The following CEP135 variants were observed in gnomAD, a reference collection of about 807,000 sequenced individuals.
The protein encoded by CEP135 is centrosomal protein 135, also known as centrosomal protein of 135 kDa.
In CEP135, 142 loss-of-function variants were observed where a neutral mutation model predicts 157.3. That is an observed-to-expected ratio of 0.90 (90% CI 0.79 to 1.04). The LOEUF (loss-of-function observed/expected upper bound fraction) is 1.04. CEP135 is among the 50% of genes least tolerant of loss of function. The pLI, the probability that CEP135 is intolerant of heterozygous loss-of-function variation, is 0.00. For synonymous variants in CEP135, 396 were observed against 439.8 expected, an observed-to-expected ratio of 0.90 and a Z score of 1.25; for missense variants, 1,317 against 1,309.2, an observed-to-expected ratio of 1.01 and a Z score of -0.09.
chr4:55,961,252 A>ATGAACATAAACTTCTTACCATCTCTG (rs1728671730), intron 6 of CEP135, among the ~76,000 whole-genome samples: 2 of 151,958 alleles, frequency 1.3e-5, no homozygotes, highest in African/African-American at 2.4e-5. Flanking sequence ...CAGGTACTTT[A>ATGAACATAAACTTCTTACCATCTCTG]TGAACATAAA....
Position 55,957,302 on chromosome 4 carries a change from A to G in CEP135, c.552A>G (p.Ser184=), listed in dbSNP as rs762583480. The G allele has an allele frequency of 1.6e-5, 26 of 1,614,050 alleles. No homozygotes were observed. In the South Asian group the frequency reaches 2.5e-4, roughly 16 times the overall value. ...CGGTTCCTCCCTCTGAAGTCAGTTC[A>G]TATCCAGTTCCTCAACCAGATGACC... ...DEPVPPSEVS[S]YPVPQPDDPY... Residue 184 remains serine (S), a synonymous_variant, in exon 5 of 26, where the codon TCA becomes TCG. Coordinates refer to ENST00000257287, the MANE Select transcript of CEP135 (RefSeq NM_025009.5).
chr4:55,997,313 C>T (rs1730007081), intron 15 of CEP135, among the ~76,000 whole-genome samples: 1 of 152,146 alleles, frequency 6.6e-6, no homozygotes, highest in Non-Finnish European at 1.5e-5. Context: ...GACGAAGCTA[C>T]TTTTAGGGCC....
chr4:55,998,427 G>A (rs1465274000), intron 15 of CEP135, among the ~76,000 whole-genome samples: 6 of 152,122 alleles, frequency 3.9e-5, no homozygotes, highest in Non-Finnish European at 5.9e-5. Context: ...CATCTTTGTC[G>A]TTAACCATGT....
chr4:55,964,320 A>T lies in CEP135; in HGVS notation c.746A>T (p.Asp249Val). Residue 249 changes from aspartate (D) to valine (V), a missense_variant, in exon 7 of 26, where the codon GAT (aspartate) becomes GTT (valine). Coordinates refer to ENST00000257287, the MANE Select transcript of CEP135 (RefSeq NM_025009.5). ...REIERLSVAL[D>V]GGRSPDVLSL... ...ATAGAACGACTGTCAGTTGCTTTGGATGGTGGTCGGTCCCCTGATGTCCTT... is the reference window on the plus strand; with the variant it reads ...ATAGAACGACTGTCAGTTGCTTTGGTTGGTGGTCGGTCCCCTGATGTCCTT... 1 of 1,613,506 alleles carries T rather than the reference A, an allele frequency of 6.2e-7. No homozygotes were observed. Among genetic ancestry groups the T allele is most frequent in the Non-Finnish European group, 8.5e-7 (1 of 1,179,676 alleles).
At chr4:56,023,899 AAT>A (rs1423966849) in intron 24 of CEP135, among the ~76,000 whole-genome samples, 3 of 139,544 alleles carry the variant, frequency 2.1e-5, no homozygotes, top group East Asian at 2.0e-4. Context: ...TAATATATAT[AAT>A]ATATATTATA....
chr4:55,981,123 A>G, intron 12 of CEP135, 104 bp from the exon 13 acceptor site: 1 of 975,696 alleles, frequency 1.0e-6, no homozygotes, highest in Non-Finnish European at 1.5e-6. Context: ...TGACGGTAGC[A>G]TGTGTTCAGT....
intron 11 of CEP135, among the ~76,000 whole-genome samples, chr4:55,978,536 G>A (rs571885796): frequency 1.3e-5 from 2 of 152,234 alleles, no homozygotes; most frequent in South Asian, 2.1e-4. Flanking sequence ...TGTACAGACT[G>A]CCTCTTTCTG....
At chr4:56,010,717 C>T (rs990941326) in intron 19 of CEP135, among the ~76,000 whole-genome samples, 13 of 152,030 alleles carry the variant, frequency 8.6e-5, no homozygotes, top group Admixed American at 3.9e-4. Flanking sequence ...TAGTTCTGTT[C>T]GTGCTGGTTT....
chr4:56,016,681 GT>G (rs970979641), intron 21 of CEP135, among the ~76,000 whole-genome samples: 3 of 148,844 alleles, frequency 2.0e-5, no homozygotes, highest in South Asian at 2.1e-4. Flanking sequence ...GATTTGTGGA[GT>G]TTTTTTTTTA....
At chr4:56,023,535 G>A (rs1360436672) in intron 24 of CEP135, among the ~76,000 whole-genome samples, 4 of 150,072 alleles carry the variant, frequency 2.7e-5, no homozygotes, top group Non-Finnish European at 4.4e-5. Flanking sequence ...TTAACATCTC[G>A]TCATCTAGTT....
In CEP135 at chr4:55,980,166, T is replaced by A. The variant is rs776875723; in HGVS notation, c.1497T>A (p.His499Gln). The change falls in exon 12 of 26, where the codon CAT becomes CAA. Residue 499 changes from histidine (H) to glutamine (Q), a missense_variant. His to Gln is a conservative substitution (Grantham distance 24, BLOSUM62 0). Transcript: ENST00000257287. ...AGGGTGATTACAATTCAGAAATTCA[T>A]CAGATCACAAGAGAAAGAGATGAAC... ...PEKGDYNSEI[H>Q]QITRERDELQ... 8 of 1,609,284 alleles carry A rather than the reference T, an allele frequency of 5.0e-6. No individual in the cohort carries two copies. The highest frequency in any genetic ancestry group is 1.1e-5 in the South Asian group (1 of 90,312).
chr4:55,971,627 C>T (rs1294171127), intron 10 of CEP135, among the ~76,000 whole-genome samples: 3 of 152,100 alleles, frequency 2.0e-5, no homozygotes, highest in African/African-American at 7.2e-5. Context: ...GGGAGCCCTG[C>T]TTGAATATTT....
At chr4:55,983,270 T>A (rs1363376703) in intron 13 of CEP135, among the ~76,000 whole-genome samples, 1 of 152,234 alleles carries the variant, frequency 6.6e-6, no homozygotes, top group African/African-American at 2.4e-5. Flanking sequence ...TAGGATTTTT[T>A]AAATGCAGTA....
chr4:55,963,393 C>T (rs1203479605), intron 6 of CEP135, among the ~76,000 whole-genome samples: 7 of 152,194 alleles, frequency 4.6e-5, no homozygotes, highest in African/African-American at 1.7e-4. Flanking sequence ...CTGTCTCAAA[C>T]ATTCCATGTT....
intron 14 of CEP135, among the ~76,000 whole-genome samples, chr4:55,991,127 C>T (rs901805128): frequency 3.3e-5 from 5 of 152,144 alleles, no homozygotes; most frequent in African/African-American, 1.2e-4. Flanking sequence ...AGGCATGTGC[C>T]ACCACGCCTA....
rs1207085624 is a variant in CEP135 at position 55,957,312 on chromosome 4, C to A, written c.562C>A (p.Pro188Thr). ...PPSEVSSYPVPQPDDPYIADL... is the reference protein window; with the variant it reads ...PPSEVSSYPVTQPDDPYIADL... ...CTCTGAAGTCAGTTCATATCCAGTTCCTCAACCAGATGACCCTTACATTGC... is the reference window on the plus strand; with the variant it reads ...CTCTGAAGTCAGTTCATATCCAGTTACTCAACCAGATGACCCTTACATTGC... Residue 188 changes from proline to threonine, a missense_variant, in exon 5 of 26, where the codon CCT becomes ACT. Coordinates refer to ENST00000257287, the MANE Select transcript of CEP135 (RefSeq NM_025009.5). The A allele has an allele frequency of 1.9e-6, 3 of 1,613,982 alleles. No homozygotes were observed. Among genetic ancestry groups the A allele is most frequent in the Non-Finnish European group, 1.7e-6 (2 of 1,179,994 alleles).
intron 1 of CEP135, among the ~76,000 whole-genome samples, chr4:55,950,200 G>A (rs1728318927): frequency 6.6e-6 from 1 of 152,226 alleles, no homozygotes; most frequent in African/African-American, 2.4e-5. Flanking sequence ...AGACTCAGGA[G>A]ACCTGGTCTC....
At chr4:56,028,608 A>C (rs1731229345) in intron 25 of CEP135, among the ~76,000 whole-genome samples, 1 of 151,788 alleles carries the variant, frequency 6.6e-6, no homozygotes, top group Admixed American at 6.6e-5. Flanking sequence ...GAATTGCTCA[A>C]GGAAAAAAAA....
chr4:56,009,694 T>C (rs1322667390), intron 18 of CEP135, 41 bp from the exon 19 acceptor site: 1 of 1,564,794 alleles, frequency 6.4e-7, no homozygotes. Flanking sequence ...CTACAGTTTT[T>C]AAAAGTTTTC....
Sources: allele counts gnomAD v4.1 joint callset (sites outside exome capture counted in the v4.1 genomes callset), GRCh38; gene constraint gnomAD v4.1.1; transcripts MANE v1.5; gene names NCBI Gene and HGNC (gene_info 2026-07-23, HGNC 2026-07-21).